ASIC2: variants seen among roughly 807,000 people sequenced by gnomAD.
The protein encoded by ASIC2 is acid sensing ion channel subunit 2.
In ASIC2, 25 loss-of-function variants were observed where a neutral mutation model predicts 57.3. The observed-to-expected ratio is 0.44, with a 90% confidence interval of 0.32 to 0.61. The LOEUF is 0.61. Among genes scored for constraint, ASIC2 ranks in the 20% least tolerant of loss-of-function variants. ASIC2 has a pLI of 0.06. For missense variants in ASIC2, 641 were observed against 738.1 expected (o/e 0.87, Z 1.52); for synonymous variants, 319 against 307.5 (o/e 1.04, Z -0.39).
chr17:33,666,150 T>C (rs570838666), intron 1 of ASIC2, among the ~76,000 whole-genome samples: 1 of 152,300 alleles, frequency 6.6e-6, no homozygotes, highest in African/African-American at 2.4e-5. Flanking sequence ...GGTTTGATTA[T>C]AAGCTCCTGG....
intron 1 of ASIC2, among the ~76,000 whole-genome samples, chr17:33,860,438 C>T (rs1043270893): frequency 2.0e-5 from 3 of 152,170 alleles, no homozygotes; most frequent in Non-Finnish European, 4.4e-5. Flanking sequence ...AGAGAGCCTA[C>T]CCAGAAATGG....
intron 1 of ASIC2, among the ~76,000 whole-genome samples, chr17:33,684,046 T>C (rs1908099555): frequency 1.3e-5 from 2 of 152,266 alleles, no homozygotes; most frequent in African/African-American, 4.8e-5. Flanking sequence ...CATTTGCATA[T>C]AGATTTTGCT....
chr17:34,135,356 G>T (rs1912097208), intron 1 of ASIC2, among the ~76,000 whole-genome samples: 1 of 152,224 alleles, frequency 6.6e-6, no homozygotes, highest in Non-Finnish European at 1.5e-5. Flanking sequence ...CCAAGTCTAG[G>T]GCTAGCATCT....
At chr17:33,094,452 C>T (rs2092170066) in intron 2 of ASIC2, among the ~76,000 whole-genome samples, 1 of 152,152 alleles carries the variant, frequency 6.6e-6, no homozygotes, top group African/African-American at 2.4e-5. Flanking sequence ...TCCTGTATTG[C>T]TTTTCCAAGC....
intron 1 of ASIC2, among the ~76,000 whole-genome samples, chr17:34,076,996 C>A (rs1230700026): frequency 6.6e-6 from 1 of 152,226 alleles, no homozygotes; most frequent in African/African-American, 2.4e-5. Flanking sequence ...GCTGTCTCAT[C>A]TAGCCTCCTG....
intron 1 of ASIC2, among the ~76,000 whole-genome samples, chr17:33,559,948 G>A (rs1916021331): frequency 6.6e-6 from 1 of 152,206 alleles, no homozygotes. Context: ...GAACTATTTG[G>A]TGAAATTCCA....
At chr17:33,802,126 C>T (rs536437484) in intron 1 of ASIC2, among the ~76,000 whole-genome samples, 47 of 152,300 alleles carry the variant, frequency 3.1e-4, no homozygotes, top group African/African-American at 8.9e-4. Context: ...ACTGCATATA[C>T]GACAGTGGTC....
rs148069896 is a variant in ASIC2, at chr17:33,339,664, C to T, written c.556-227597G>A. On this transcript the variant is annotated intron_variant, in intron 1 of 9. Transcript: ENST00000359872. ...TTTTCTTCCCTCATGCCAGGCAGTGCCTTCTAAGTGGGAGTAGAATAAGTT... is the reference window on the plus strand; with the variant it reads ...TTTTCTTCCCTCATGCCAGGCAGTGTCTTCTAAGTGGGAGTAGAATAAGTT... Among the ~76,000 whole-genome samples, 36 of 152,306 alleles carry T rather than the reference C, an allele frequency of 2.4e-4. 1 individual carries two copies. The highest frequency in any genetic ancestry group is 8.2e-4 in the African/African-American group (34 of 41,570).
At chr17:33,725,722 C>A (rs1226147538) in intron 1 of ASIC2, among the ~76,000 whole-genome samples, 3 of 8,894 alleles carry the variant, frequency 3.4e-4, no homozygotes, top group East Asian at 3.0e-3. Flanking sequence ...TATTAAGAAA[C>A]CCCCCCCCCC....
At chr17:34,096,337 T>C (rs1366894001) in intron 1 of ASIC2, among the ~76,000 whole-genome samples, 2 of 151,728 alleles carry the variant, frequency 1.3e-5, no homozygotes, top group Admixed American at 6.6e-5. Context: ...AAGGTGAGAG[T>C]TCAGGATCCA....
At chr17:33,391,256 C>T (rs958591772) in intron 1 of ASIC2, among the ~76,000 whole-genome samples, 11 of 152,176 alleles carry the variant, frequency 7.2e-5, no homozygotes, top group Admixed American at 3.9e-4. Flanking sequence ...CTCAGGTCAC[C>T]TGCTTTTTCC....
At chr17:33,153,371 G>C (rs572587218) in intron 1 of ASIC2, among the ~76,000 whole-genome samples, 2 of 152,338 alleles carry the variant, frequency 1.3e-5, no homozygotes, top group East Asian at 3.9e-4. Context: ...AGGAAGATCT[G>C]GTTCCATGAT....
chr17:33,122,841 C>T (rs1353779429), intron 1 of ASIC2, among the ~76,000 whole-genome samples: 1 of 152,276 alleles, frequency 6.6e-6, no homozygotes, highest in African/African-American at 2.4e-5. Context: ...CTGCACTGCC[C>T]CAGCCTCTGG....
At chr17:33,212,678 G>A (rs955524984) in intron 1 of ASIC2, among the ~76,000 whole-genome samples, 1 of 152,232 alleles carries the variant, frequency 6.6e-6, no homozygotes. Context: ...GGCAAGAAAG[G>A]AATGGGCTGG....
Position 33,617,259 on chromosome 17 carries a change from C to T in ASIC2, c.556-505192G>A, listed in dbSNP as rs529129629. Among the ~76,000 whole-genome samples, 13 of 152,248 alleles carry T rather than the reference C, an allele frequency of 8.5e-5. No homozygotes were observed. In the East Asian group the frequency reaches 1.4e-3, roughly 16 times the overall value. ...TCACATAGCAAAGACATGGAATCAACCTAAATGCCCATCAGTGAAAAAATG... is the reference window on the plus strand; with the variant it reads ...TCACATAGCAAAGACATGGAATCAATCTAAATGCCCATCAGTGAAAAAATG... On this transcript the variant is annotated intron_variant, in intron 1 of 9. Transcript: ENST00000359872.
In ASIC2 at chr17:33,292,090, A is replaced by C. The variant is rs1034870505; in HGVS notation, c.26T>G (p.Leu9Arg). The change falls in exon 1 of 10, where the codon CTG becomes CGG. Residue 9 changes from leucine (L) to arginine (R), a missense_variant. Coordinates refer to ENST00000225823, the MANE Select transcript of ASIC2 (RefSeq NM_183377.2). MSRIGGAG[L>R]PAAALTGPGR... is the part of the protein sequence containing the mutation. Reference sequence around the variant, plus strand: ...CGGGCCGGTGAGCGCGGCTGCGGGCAGCCCGGCTCCGCCAATCCGGCTCAT... The same window carrying C: ...CGGGCCGGTGAGCGCGGCTGCGGGCCGCCCGGCTCCGCCAATCCGGCTCAT... The C allele has an allele frequency of 5.7e-6, 6 of 1,047,184 alleles. No individual in the cohort carries two copies. The highest frequency in any genetic ancestry group is 6.9e-6 in the Non-Finnish European group (6 of 873,486). The allele number at this position is 1,047,184 out of a possible 1,614,324, so 64.9% of individuals were successfully genotyped here.
At chr17:33,692,459 A>C (rs1908401977) in intron 1 of ASIC2, 1 of 152,236 alleles carries the variant, frequency 6.6e-6, no homozygotes, top group Non-Finnish European at 1.5e-5. Flanking sequence ...TATGATTATT[A>C]ACATAAGGTA....
intron 1 of ASIC2, among the ~76,000 whole-genome samples, chr17:34,035,288 GGGAAAACTGGCTAGCCATATGT>G (rs1343804052): frequency 6.9e-6 from 1 of 144,778 alleles, no homozygotes; most frequent in Non-Finnish European, 1.5e-5. Flanking sequence ...AAATGGTGCT[GGGAAAACTGGCTAGCCATATGT>G]GGAAAACTGG....
chr17:33,941,909 C>T (rs941019504), intron 1 of ASIC2, among the ~76,000 whole-genome samples: 2 of 152,188 alleles, frequency 1.3e-5, no homozygotes, highest in African/African-American at 2.4e-5. Flanking sequence ...GCTGCTGTTA[C>T]TACCACCCCG....
Sources: gnomAD v4.1 joint callset for allele counts (sites outside exome capture counted in the v4.1 genomes callset) on GRCh38, gnomAD v4.1.1 for gene constraint, MANE v1.5 for transcripts, NCBI Gene and HGNC (gene_info 2026-07-23, HGNC 2026-07-21) for gene names.